Variants in DYNLL1 observed in about 807,000 individuals in gnomAD.
DYNLL1 encodes the protein dynein light chain 1, cytoplasmic.
In DYNLL1, 3 loss-of-function variants were observed where a neutral mutation model predicts 10.1. That is an observed-to-expected ratio of 0.30 (90% confidence interval 0.14 to 0.77). DYNLL1 has a LOEUF of 0.77. Ranked by LOEUF, DYNLL1 falls within the 30% of genes least tolerant of loss-of-function variation. DYNLL1 has a pLI of 0.66. For synonymous variants in DYNLL1, 46 were observed against 41.2 expected, an observed-to-expected ratio of 1.12 and a Z score of -0.45; for missense variants, 47 against 111.7, an observed-to-expected ratio of 0.42 and a Z score of 2.61.
At chr12:120,473,207 T>TTA (rs1878686161) in intron 1 of DYNLL1, among the ~76,000 whole-genome samples, 1 of 151,942 alleles carries the variant, frequency 6.6e-6, no homozygotes, top group Non-Finnish European at 1.5e-5. Flanking sequence ...GAGGAGATGT[T>TTA]TAGAGTCTTG....
At chr12:120,477,796 AT>A (rs1180675025) in intron 1 of DYNLL1, among the ~76,000 whole-genome samples, 1 of 151,428 alleles carries the variant, frequency 6.6e-6, no homozygotes, top group African/African-American at 2.4e-5. Context: ...GTAAAAATAT[AT>A]ATATATTTTT....
chr12:120,470,757 T>G (rs1006079724), intron 1 of DYNLL1, among the ~76,000 whole-genome samples: 1 of 151,322 alleles, frequency 6.6e-6, no homozygotes, highest in Non-Finnish European at 1.5e-5. Context: ...ACCTAAAGAT[T>G]GTTCAGGCTG....
upstream of DYNLL1, among the ~76,000 whole-genome samples, chr12:120,494,423 C>T (rs1593006330): frequency 1.3e-5 from 2 of 151,810 alleles, no homozygotes; most frequent in African/African-American, 2.4e-5. Flanking sequence ...ATTACAGGCA[C>T]GTGCCACCAT....
chr12:120,477,541 AG>A (rs1878782186), intron 1 of DYNLL1, among the ~76,000 whole-genome samples: 2 of 152,038 alleles, frequency 1.3e-5, no homozygotes, highest in South Asian at 4.1e-4. Flanking sequence ...GCTTGAGCCC[AG>A]GAGTTCCAGA....
chr12:120,496,924 C>G, intron 2 of DYNLL1: 1 of 407,490 alleles, frequency 2.5e-6, no homozygotes. Flanking sequence ...GGAGATCTTG[C>G]CAGCCTTCCA....
At chr12:120,489,229 T>C (rs190217880) in intron 1 of DYNLL1, among the ~76,000 whole-genome samples, 32 of 152,338 alleles carry the variant, frequency 2.1e-4, no homozygotes, top group Admixed American at 1.0e-3. Context: ...CTCCAAATTA[T>C]AGCTCAAGGC....
chr12:120,489,746 C>A (rs1693266691), intron 1 of DYNLL1, among the ~76,000 whole-genome samples: 1 of 152,022 alleles, frequency 6.6e-6, no homozygotes, highest in Non-Finnish European at 1.5e-5. Context: ...TTCTCTTAGT[C>A]TACTTTTTTA....
chr12:120,491,660 G>T (rs117807066), upstream of DYNLL1: 2,947 of 152,446 alleles, frequency 0.019, 45 homozygotes, highest in Middle Eastern at 0.054. Context: ...GATGAGGTGA[G>T]GAGAGCTGCA....
At chr12:120,489,758 A>G (rs1879078579) in intron 1 of DYNLL1, among the ~76,000 whole-genome samples, 1 of 151,632 alleles carries the variant, frequency 6.6e-6, no homozygotes, top group South Asian at 2.1e-4. Context: ...ACTTTTTTAA[A>G]TTTTTTTGAG....
At chr12:120,496,111 T>A (rs550315954), upstream of DYNLL1, 3 of 477,564 alleles carry the variant, frequency 6.3e-6, no homozygotes, top group East Asian at 1.2e-4. Context: ...GTGGGGCTGC[T>A]TAGATGCGCC....
intron 1 of DYNLL1, chr12:120,490,587 C>A (rs1188519718): frequency 6.6e-6 from 1 of 152,214 alleles, no homozygotes; most frequent in Non-Finnish European, 1.5e-5. Flanking sequence ...AGCTTGGGAT[C>A]TGTGACATTC....
At chr12:120,497,320 C>T (rs1380040836) in intron 2 of DYNLL1, 1 of 153,270 alleles carries the variant, frequency 6.5e-6, no homozygotes, top group Non-Finnish European at 1.5e-5. Context: ...ATGCCCCCCA[C>T]AGGCATTCTA....
intron 1 of DYNLL1, among the ~76,000 whole-genome samples, chr12:120,474,528 G>T (rs1675884910): frequency 6.6e-6 from 1 of 151,156 alleles, no homozygotes; most frequent in East Asian, 1.9e-4. Context: ...ATAACTTAAA[G>T]AACTTATCCA....
rs374305006 is a variant in DYNLL1, at chr12:120,487,136, G to A, written c.-6-9280G>A. Among the ~76,000 whole-genome samples the A allele has an allele frequency of 3.6e-4, 54 of 151,244 alleles. 2 individuals are homozygous for A. The highest frequency in any genetic ancestry group is 3.2e-3 in the Admixed American group (48 of 15,124). On this transcript the variant is annotated intron_variant, in intron 1 of 2. Coordinates refer to the DYNLL1 transcript ENST00000392509. ...ACTACAGGCGCCCGCCACCACACCC[G>A]GCTAATTTTTTGTATTTTTAGTAGA... is the stretch of plus-strand genomic sequence containing the variant.
intron 1 of DYNLL1, among the ~76,000 whole-genome samples, chr12:120,470,631 A>AT (rs565866959): frequency 4.9e-4 from 75 of 151,702 alleles, no homozygotes; most frequent in South Asian, 3.3e-3. Flanking sequence ...TTTATTTTCT[A>AT]TTTTTTTTGT....
chr12:120,497,828 T>A, intron 2 of DYNLL1: 1 of 489,714 alleles, frequency 2.0e-6, no homozygotes, highest in Non-Finnish European at 3.6e-6. Flanking sequence ...AAACACCCTG[T>A]CTTTAGGGCT....
intron 1 of DYNLL1, among the ~76,000 whole-genome samples, chr12:120,484,508 T>C (rs1375709985): frequency 1.3e-5 from 2 of 152,248 alleles, no homozygotes; most frequent in African/African-American, 4.8e-5. Context: ...ACATTATCTT[T>C]GAGTTGTAAG....
chr12:120,471,952 T>G (rs1366923621), intron 1 of DYNLL1, among the ~76,000 whole-genome samples: 2 of 152,176 alleles, frequency 1.3e-5, no homozygotes, highest in Non-Finnish European at 2.9e-5. Context: ...CAAGAGATTC[T>G]CATAATAAAT....
chr12:120,496,740 AG>A (rs1241768308), intron 2 of DYNLL1, 187 bp downstream of exon 2: 122 of 710,108 alleles, frequency 1.7e-4, no homozygotes, highest in Non-Finnish European at 2.4e-4. Context: ...CGGCGTCCGA[AG>A]TTTTTTTTTT....
Sources: gnomAD v4.1 joint callset for allele counts (sites outside exome capture counted in the v4.1 genomes callset) on GRCh38, gnomAD v4.1.1 for gene constraint, MANE v1.5 for transcripts, NCBI Gene and HGNC (gene_info 2026-07-23, HGNC 2026-07-21) for gene names.